The following PDZD4 variants were observed in gnomAD, a reference collection of about 807,000 sequenced individuals.
The protein encoded by PDZD4 is PDZ domain-containing protein 4.
PDZD4 carries 9 observed loss-of-function variants against 38.5 expected under a neutral mutation model. The ratio of observed to expected loss-of-function variants is 0.23; its 90% CI spans 0.14 to 0.41. PDZD4 has a LOEUF of 0.41. Among genes scored for constraint, PDZD4 ranks in the 10% least tolerant of loss-of-function variants. The pLI is 1.00. For synonymous variants in PDZD4, 349 were observed against 315.7 expected, an observed-to-expected ratio of 1.11 and a Z score of -1.12; for missense variants, 612 against 722.0, an observed-to-expected ratio of 0.85 and a Z score of 1.75.
At chrX:153,827,149 C>T (rs1348637531) in intron 1 of PDZD4, among the ~76,000 whole-genome samples, 1 of 112,267 alleles carries the variant, frequency 8.9e-6, no homozygotes, top group African/African-American at 3.2e-5. Flanking sequence ...AGAAGATCCA[C>T]AAATGGCCAA....
intron 1 of PDZD4, among the ~76,000 whole-genome samples, chrX:153,816,612 C>T (rs2064365545): frequency 9.0e-6 from 1 of 111,638 alleles, no homozygotes; most frequent in Admixed American, 9.4e-5. Context: ...CCCCCCATCC[C>T]GTTCCGCTCC....
chrX:153,811,457 G>T (rs2064309339), intron 1 of PDZD4, among the ~76,000 whole-genome samples: 1 of 112,226 alleles, frequency 8.9e-6, no homozygotes, highest in African/African-American at 3.2e-5. Context: ...TTTCCTTCCA[G>T]TCTGTTTTCT....
At chrX:153,816,289 G>A (rs1160664547) in intron 1 of PDZD4, among the ~76,000 whole-genome samples, 2 of 109,110 alleles carry the variant, frequency 1.8e-5, no homozygotes, top group African/African-American at 3.3e-5. Flanking sequence ...GGAGGGGGTC[G>A]TGGTGGGCAT....
intron 1 of PDZD4, among the ~76,000 whole-genome samples, chrX:153,814,165 C>G (rs1200762234): frequency 9.0e-6 from 1 of 110,686 alleles, no homozygotes; most frequent in Non-Finnish European, 1.9e-5. Context: ...GTCTGATGTA[C>G]CCGGACTCTA....
Position 153,805,988 on chromosome X carries a change from G to A in PDZD4, c.567+83C>T, listed in dbSNP as rs2064244618. ...CAGGGTTAGCTCTTAGTGGGAGAGAGCTAGGGACTGGCTAAAGAGAGGTGG... is the reference window on the plus strand; with the variant it reads ...CAGGGTTAGCTCTTAGTGGGAGAGAACTAGGGACTGGCTAAAGAGAGGTGG... On this transcript the variant is annotated intron_variant, in intron 5 of 7. Transcript: ENST00000393758. 4 of 1,041,489 alleles carry A rather than the reference G, an allele frequency of 3.8e-6. No homozygotes were observed. In the Admixed American group the frequency reaches 8.9e-5, roughly 23 times the overall value. The allele number at this position is 1,041,489 out of a possible 1,213,427, so 85.8% of individuals were successfully genotyped here.
At chrX:153,819,091 GCAGA>G (rs1287394654) in intron 1 of PDZD4, among the ~76,000 whole-genome samples, 3 of 112,772 alleles carry the variant, frequency 2.7e-5, no homozygotes, top group African/African-American at 6.4e-5. Flanking sequence ...GCCCGGAGCC[GCAGA>G]CAAAGAGCGC....
At chrX:153,806,993 C>G (rs963943733) in intron 3 of PDZD4, among the ~76,000 whole-genome samples, 153 bp from the exon 4 acceptor site, 1 of 112,309 alleles carries the variant, frequency 8.9e-6, no homozygotes, top group African/African-American at 3.2e-5. Flanking sequence ...AGTTTCCAGG[C>G]CCCGCTTTGA....
intron 6 of PDZD4, 103 bp from the exon 7 acceptor site, chrX:153,805,310 G>A (rs1281064709): frequency 3.7e-6 from 3 of 818,170 alleles, no homozygotes; most frequent in Non-Finnish European, 1.8e-6. Context: ...GTGAAGCTCA[G>A]CAACCTGGGG....
At position 153,821,473 on chromosome X, in the gene PDZD4, AAAAC is replaced by A. The variant is rs1201845126; in HGVS notation, c.60+8762_60+8765del. ...CCCTCTATTTGTAAAAAAAAAAAAC[AAAAC>A]AAACAAACAAAAAAAACAACACCTC... On this transcript the variant is annotated intron_variant, in intron 1 of 7. Coordinates refer to ENST00000393758, the MANE Select transcript of PDZD4 (RefSeq NM_001303512.2). Among the ~76,000 whole-genome samples the A allele has an allele frequency of 7.5e-4, 82 of 109,753 alleles. 1 individual carries two copies. In the South Asian group the frequency reaches 0.014, roughly 18 times the overall value.
In PDZD4 at chrX:153,805,080, C is replaced by A; in HGVS notation, c.780+17G>T. On this transcript the variant is annotated intron_variant, in intron 7 of 7. Transcript: ENST00000393758. The stretch of plus-strand genomic sequence containing the variant: ...CTCCTCCTCGCCCTCCCCACCAGCG[C>A]CCTTTTCCTTCCTCACCTGCTGGGC... The A allele has an allele frequency of 8.3e-7, 1 of 1,203,366 alleles. No individual in the cohort carries two copies. The highest frequency in any genetic ancestry group is 1.1e-6 in the Non-Finnish European group (1 of 887,904).
chrX:153,821,115 C>A (rs2064418664), intron 1 of PDZD4, among the ~76,000 whole-genome samples: 1 of 112,037 alleles, frequency 8.9e-6, no homozygotes, highest in African/African-American at 3.2e-5. Context: ...TGGCTGCCCA[C>A]GCCCCCAACT....
chrX:153,805,462 G>GC, intron 6 of PDZD4, 43 bp downstream of exon 6: 1 of 969,540 alleles, frequency 1.0e-6, no homozygotes, highest in Non-Finnish European at 1.4e-6. Context: ...AAGACAGAAA[G>GC]CCTGATGTCG....
intron 1 of PDZD4, among the ~76,000 whole-genome samples, chrX:153,809,497 A>G (rs921984835): frequency 6.2e-5 from 7 of 112,502 alleles, no homozygotes; most frequent in East Asian, 2.8e-4. Flanking sequence ...TGAGGCAGGA[A>G]AATGGCATGA....
At chrX:153,818,841 T>C (rs905680149) in intron 1 of PDZD4, among the ~76,000 whole-genome samples, 17 of 101,099 alleles carry the variant, frequency 1.7e-4, no homozygotes, top group Admixed American at 5.4e-4. Flanking sequence ...GGGAAAGTGC[T>C]GGCACCGCTT....
At chrX:153,829,721 G>A in intron 1 of PDZD4, 2 of 754,799 alleles carry the variant, frequency 2.6e-6, no homozygotes, top group South Asian at 6.7e-5. Context: ...GATCCCGGCG[G>A]CGCCCACTCA....
Position 153,806,086 on chromosome X carries a change from T to A in PDZD4, c.552A>T (p.Gly184=). The part of the protein sequence containing the change: ...IAAKDGRIRE[G]DRIIQINGVD... ...AAGTGCTCACCTGGATGATGCGGTC[T>A]CCCTCACGGATCCGGCCGTCTTTGG... Residue 184 remains glycine (G), a synonymous_variant, in exon 5 of 8, where the codon GGA becomes GGT. Coordinates refer to ENST00000393758, the MANE Select transcript of PDZD4 (RefSeq NM_001303512.2). 2 of 1,211,716 alleles carry A rather than the reference T, an allele frequency of 1.7e-6. No individual in the cohort carries two copies. The highest frequency in any genetic ancestry group is 2.2e-6 in the Non-Finnish European group (2 of 895,466).
chrX:153,809,969 G>A (rs1345326145), intron 1 of PDZD4, among the ~76,000 whole-genome samples: 3 of 113,025 alleles, frequency 2.7e-5, no homozygotes, highest in East Asian at 5.6e-4. Context: ...CCACAAGGTC[G>A]AAGGCTGCTT....
intron 4 of PDZD4, among the ~76,000 whole-genome samples, 169 bp downstream of exon 4, chrX:153,806,573 T>A (rs1481041506): frequency 1.8e-5 from 2 of 112,411 alleles, no homozygotes; most frequent in Non-Finnish European, 3.8e-5. Context: ...TTTCTGCAGA[T>A]GACTACCTCA....
At chrX:153,812,527 G>A (rs1374336804) in intron 1 of PDZD4, among the ~76,000 whole-genome samples, 2 of 110,955 alleles carry the variant, frequency 1.8e-5, no homozygotes, top group Non-Finnish European at 3.8e-5. Context: ...TCAGCACCTC[G>A]GATCAGCAGC....
Sources: allele counts gnomAD v4.1 joint callset (sites outside exome capture counted in the v4.1 genomes callset), GRCh38; gene constraint gnomAD v4.1.1; transcripts MANE v1.5; gene names NCBI Gene and HGNC (gene_info 2026-07-23, HGNC 2026-07-21).